The following RPA3 variants were observed in gnomAD, a reference collection of about 807,000 sequenced individuals.
The protein encoded by RPA3 is replication protein A 14 kDa subunit.
Under a neutral mutation model 13.7 loss-of-function variants are expected in RPA3, and 24 were observed. The observed-to-expected ratio is 1.75, with a 90% CI of 1.27 to 2.46. The LOEUF (loss-of-function observed/expected upper bound fraction) is 2.46, where lower values mean the gene tolerates loss of function less well. Ranked by LOEUF, RPA3 falls within the 30% of genes most tolerant of loss-of-function variation. The probability of loss-of-function intolerance (pLI) is 0.00; values close to 1 mark genes in which losing one functional copy is unlikely to be tolerated. For missense variants in RPA3, 183 were observed against 151.0 expected, an observed-to-expected ratio of 1.21 and a Z score of -1.11; for synonymous variants, 59 against 51.2, an observed-to-expected ratio of 1.15 and a Z score of -0.65.
At position 7,674,985 on chromosome 7, in the gene RPA3, T is replaced by C. The variant is rs1477025167; in HGVS notation, c.-758+10845A>G. On this transcript the variant is annotated intron_variant, in intron 4 of 7. Coordinates refer to ENST00000223129, the MANE Select transcript of RPA3 (RefSeq NM_002947.5). ...AACACATATACAGGGAACTCTGCTTTTTTCTGTTGTTTTTATTATATATGT... is the reference window on the plus strand; with the variant it reads ...AACACATATACAGGGAACTCTGCTTCTTTCTGTTGTTTTTATTATATATGT... 3.3e-5 allele frequency among the ~76,000 whole-genome samples: 5 copies of C among 152,152 alleles called. No individual in the cohort carries two copies. The East Asian group carries it at 9.6e-4, about 29-fold the overall frequency.
In RPA3 at chr7:7,646,295, C is replaced by T. The variant is rs545223509; in HGVS notation, c.-757-5120G>A. On this transcript the variant is annotated intron_variant, in intron 4 of 7. Transcript: ENST00000223129. ...GGTGGCTCTCAGTGGGATGGTGATACGGTTTGGCTGTGCCCCACTCAAATC... is the reference window on the plus strand; with the variant it reads ...GGTGGCTCTCAGTGGGATGGTGATATGGTTTGGCTGTGCCCCACTCAAATC... Among the ~76,000 whole-genome samples, 16 of 91,014 alleles carry T rather than the reference C, an allele frequency of 1.8e-4. No homozygotes were observed. In the East Asian group the frequency reaches 9.1e-3, roughly 52 times the overall value. The allele number at this position is 91,014 out of a possible 152,430, so 59.7% of individuals were successfully genotyped here.
At chr7:7,669,921 C>T (rs1234169782) in intron 4 of RPA3, among the ~76,000 whole-genome samples, 1 of 151,956 alleles carries the variant, frequency 6.6e-6, no homozygotes, top group Non-Finnish European at 1.5e-5. Context: ...CCTAAATTAT[C>T]CCTCCTTCTA....
chr7:7,662,345 G>C (rs1223065968), intron 4 of RPA3, among the ~76,000 whole-genome samples: 1 of 152,134 alleles, frequency 6.6e-6, no homozygotes, highest in Non-Finnish European at 1.5e-5. Flanking sequence ...CGTTCTAGGG[G>C]CCAGTGGGGT....
At chr7:7,648,730 G>A (rs1243380734) in intron 4 of RPA3, among the ~76,000 whole-genome samples, 1 of 152,072 alleles carries the variant, frequency 6.6e-6, no homozygotes, top group Non-Finnish European at 1.5e-5. Context: ...GTGTGTGCCT[G>A]TGGTCCTAGC....
intron 1 of RPA3, among the ~76,000 whole-genome samples, chr7:7,716,819 G>C (rs972299966): frequency 4.6e-5 from 7 of 152,058 alleles, no homozygotes; most frequent in Admixed American, 3.3e-4. Context: ...GGTGGCGGGC[G>C]CCCATAATCC....
chr7:7,660,053 T>G (rs113637147), intron 4 of RPA3, among the ~76,000 whole-genome samples: 3 of 152,224 alleles, frequency 2.0e-5, no homozygotes, highest in African/African-American at 7.2e-5. Context: ...TACCATTATG[T>G]AATGCTCTTT....
intron 4 of RPA3, among the ~76,000 whole-genome samples, chr7:7,671,633 C>T (rs1045850295): frequency 5.3e-5 from 8 of 152,022 alleles, no homozygotes; most frequent in Admixed American, 4.6e-4. Context: ...TCTTTTCTGA[C>T]CTCATTTTTT....
Position 7,648,245 on chromosome 7 carries a change from C to T in RPA3, c.-757-7070G>A, listed in dbSNP as rs753694112. Among the ~76,000 whole-genome samples the T allele has an allele frequency of 2.6e-5, 4 of 152,320 alleles. No homozygotes were observed. In the South Asian group the frequency reaches 6.2e-4, roughly 24 times the overall value. On this transcript the variant is annotated intron_variant, in intron 4 of 7. Transcript: ENST00000223129. ...GGATTCCTTTCTAAGAGAGCACTAG[C>T]GTTTGACAGATCATGAGTGATTTGC...
chr7:7,700,921 A>AT (rs1780445592), intron 2 of RPA3, among the ~76,000 whole-genome samples: 1 of 152,088 alleles, frequency 6.6e-6, no homozygotes, highest in Non-Finnish European at 1.5e-5. Context: ...ATGGTGGTGC[A>AT]TACCTGTAGT....
chr7:7,696,351 G>A (rs998993241), intron 2 of RPA3, among the ~76,000 whole-genome samples: 1 of 150,590 alleles, frequency 6.6e-6, no homozygotes, highest in Non-Finnish European at 1.5e-5. Flanking sequence ...GAAGTATCAC[G>A]ATAAAGACAA....
At position 7,651,258 on chromosome 7, in the gene RPA3, C is replaced by T. The variant is rs192590530; in HGVS notation, c.-757-10083G>A. ...AAATCCACAAAAGTATATGTTAGTA[C>T]TAGAGCTAATGTTGGAGAGTTCCCT... On this transcript the variant is annotated intron_variant, in intron 4 of 7. Coordinates refer to ENST00000223129, the MANE Select transcript of RPA3 (RefSeq NM_002947.5). 5.3e-5 allele frequency among the ~76,000 whole-genome samples: 8 copies of T among 152,266 alleles called. No homozygotes were observed. The East Asian group carries it at 1.5e-3, about 29-fold the overall frequency.
intron 4 of RPA3, among the ~76,000 whole-genome samples, chr7:7,662,590 C>G (rs1785503183): frequency 6.6e-6 from 1 of 152,136 alleles, no homozygotes; most frequent in South Asian, 2.1e-4. Flanking sequence ...CCCCTTATGC[C>G]TCCTGGGTGA....
chr7:7,655,739 T>A (rs1160895924), intron 4 of RPA3, among the ~76,000 whole-genome samples: 1 of 152,212 alleles, frequency 6.6e-6, no homozygotes, highest in Non-Finnish European at 1.5e-5. Flanking sequence ...AGTGTTAAAT[T>A]AGAGGACAGG....
At chr7:7,666,138 C>T (rs182778267) in intron 4 of RPA3, among the ~76,000 whole-genome samples, 9 of 152,216 alleles carry the variant, frequency 5.9e-5, no homozygotes, top group Admixed American at 5.2e-4. Context: ...ACAAGAGTTC[C>T]AGTTGCTCCA....
At chr7:7,718,050 G>A (rs1004198085) in intron 1 of RPA3, among the ~76,000 whole-genome samples, 2 of 152,148 alleles carry the variant, frequency 1.3e-5, no homozygotes, top group African/African-American at 4.8e-5. Flanking sequence ...TTTTAGCAGT[G>A]TGTTGAATAA....
chr7:7,637,919 C>G lies in RPA3; in HGVS notation c.228G>C (p.Lys76Asn). The G allele has an allele frequency of 6.2e-7, 1 of 1,613,668 alleles. No homozygotes were observed. Among genetic ancestry groups the G allele is most frequent in the Non-Finnish European group, 8.5e-7 (1 of 1,179,774 alleles). The change falls in exon 7 of 8, where the codon AAG becomes AAC. Residue 76 changes from lysine to asparagine, a missense_variant. Physicochemically the swap from Lys to Asn is moderately conservative, Grantham distance 94. Coordinates refer to ENST00000223129, the MANE Select transcript of RPA3 (RefSeq NM_002947.5). Reference sequence around the variant, plus strand: ...CATAAGATGTACACAAGATGGTGGCCTTGGCGGTTACTCTTCCAACCACTT... The same window carrying G: ...CATAAGATGTACACAAGATGGTGGCGTTGGCGGTTACTCTTCCAACCACTT... ...IVEVVGRVTA[K>N]ATILCTSYVQ... is the part of the protein sequence containing the mutation.
At chr7:7,643,119 T>C (rs1785012776) in intron 4 of RPA3, among the ~76,000 whole-genome samples, 1 of 152,162 alleles carries the variant, frequency 6.6e-6, no homozygotes, top group Non-Finnish European at 1.5e-5. Context: ...TTTGCTTCTC[T>C]AAAAATGATA....
At chr7:7,644,325 A>G (rs183545160) in intron 4 of RPA3, among the ~76,000 whole-genome samples, 21 of 145,348 alleles carry the variant, frequency 1.4e-4, no homozygotes, top group Admixed American at 4.8e-4. Context: ...TTTTTGGCCT[A>G]TCTTTCCGTT....
chr7:7,689,161 A>C (rs1175648681), intron 2 of RPA3, among the ~76,000 whole-genome samples: 1 of 152,100 alleles, frequency 6.6e-6, no homozygotes, highest in Non-Finnish European at 1.5e-5. Context: ...CTTGCCAGTG[A>C]TTGGCTTAGG....
Sources: allele counts gnomAD v4.1 joint callset (sites outside exome capture counted in the v4.1 genomes callset), GRCh38; gene constraint gnomAD v4.1.1; transcripts MANE v1.5; gene names NCBI Gene and HGNC (gene_info 2026-07-23, HGNC 2026-07-21).